The following CPQ variants were observed in gnomAD, a reference collection of about 807,000 sequenced individuals.
The protein encoded by CPQ is carboxypeptidase Q.
In CPQ, 37 loss-of-function variants were observed where a neutral mutation model predicts 45.7. The observed-to-expected ratio is 0.81, with a 90% CI of 0.62 to 1.07. CPQ has a LOEUF of 1.07. Ranked by LOEUF, CPQ falls within the 50% of genes least tolerant of loss-of-function variation. The probability of loss-of-function intolerance (pLI) is 0.00; values close to 1 mark genes in which losing one functional copy is unlikely to be tolerated. For missense variants in CPQ, 537 were observed against 572.9 expected, an observed-to-expected ratio of 0.94 and a Z score of 0.64; for synonymous variants, 186 against 205.8, an observed-to-expected ratio of 0.90 and a Z score of 0.82.
At chr8:96,933,464 T>A (rs918003208) in intron 4 of CPQ, among the ~76,000 whole-genome samples, 1 of 152,202 alleles carries the variant, frequency 6.6e-6, no homozygotes, top group Non-Finnish European at 1.5e-5. Context: ...ATTCAACAAT[T>A]GTTTACTGAA....
At chr8:97,054,355 C>T (rs950234900) in intron 6 of CPQ, among the ~76,000 whole-genome samples, 1 of 152,172 alleles carries the variant, frequency 6.6e-6, no homozygotes, top group African/African-American at 2.4e-5. Context: ...CTATGGAAAA[C>T]AGTATGGAGA....
intron 7 of CPQ, among the ~76,000 whole-genome samples, chr8:97,067,600 C>A (rs942310139): frequency 4.6e-5 from 7 of 152,128 alleles, no homozygotes; most frequent in African/African-American, 1.7e-4. Context: ...AAAGCTTATT[C>A]TTGCAATACT....
intron 1 of CPQ, among the ~76,000 whole-genome samples, chr8:96,781,463 A>G (rs968327794): frequency 6.6e-6 from 1 of 152,184 alleles, no homozygotes; most frequent in African/African-American, 2.4e-5. Context: ...TTCCCTCAAT[A>G]AAGGCATTTG....
At chr8:96,649,826 A>G (rs1033140797) in intron 1 of CPQ, among the ~76,000 whole-genome samples, 4 of 152,250 alleles carry the variant, frequency 2.6e-5, no homozygotes, top group African/African-American at 9.6e-5. Flanking sequence ...ATTACATTAT[A>G]TTTCAGGCAA....
At chr8:96,950,378 G>T (rs1396464624) in intron 4 of CPQ, among the ~76,000 whole-genome samples, 2 of 152,064 alleles carry the variant, frequency 1.3e-5, no homozygotes, top group Non-Finnish European at 2.9e-5. Context: ...AATAAACTCA[G>T]ATTGATTTAT....
chr8:97,113,494 A>T (rs1811533397), intron 7 of CPQ, among the ~76,000 whole-genome samples: 1 of 152,216 alleles, frequency 6.6e-6, no homozygotes, highest in African/African-American at 2.4e-5. Flanking sequence ...TTAAACACTT[A>T]ACAACAAAAT....
At chr8:96,845,344 A>G (rs888461182) in intron 3 of CPQ, among the ~76,000 whole-genome samples, 8 of 152,214 alleles carry the variant, frequency 5.3e-5, no homozygotes, top group African/African-American at 1.7e-4. Context: ...ACCTCATTGT[A>G]TTCTCAGTAC....
intron 3 of CPQ, among the ~76,000 whole-genome samples, chr8:96,835,391 C>T (rs1811517179): frequency 6.6e-6 from 1 of 152,138 alleles, no homozygotes; most frequent in African/African-American, 2.4e-5. Flanking sequence ...TTGTGCATTC[C>T]TTTAAAAAGC....
chr8:96,871,071 C>T (rs1197717022), intron 3 of CPQ, among the ~76,000 whole-genome samples: 1 of 151,750 alleles, frequency 6.6e-6, no homozygotes, highest in Non-Finnish European at 1.5e-5. Context: ...CATTACTTTC[C>T]TCCTTTGAAT....
At chr8:96,833,470 C>G (rs568886934) in intron 2 of CPQ, among the ~76,000 whole-genome samples, 90 of 152,216 alleles carry the variant, frequency 5.9e-4, no homozygotes, top group African/African-American at 2.2e-3. Flanking sequence ...TGCGACATCC[C>G]TTGAGTGGAC....
intron 4 of CPQ, among the ~76,000 whole-genome samples, chr8:96,908,107 CGT>C (rs35548556): frequency 0.026 from 3,760 of 145,736 alleles, 119 homozygotes; most frequent in African/African-American, 0.069. Flanking sequence ...CCCACTGCAA[CGT>C]GTGTGTGTGT....
At chr8:96,873,465 T>C (rs1424242358) in intron 3 of CPQ, among the ~76,000 whole-genome samples, 3 of 151,764 alleles carry the variant, frequency 2.0e-5, no homozygotes, top group African/African-American at 7.2e-5. Flanking sequence ...AATGACAGTA[T>C]AAAAGTCTTA....
At chr8:96,688,360 G>A (rs1809262236) in intron 1 of CPQ, among the ~76,000 whole-genome samples, 1 of 152,112 alleles carries the variant, frequency 6.6e-6, no homozygotes, top group Admixed American at 6.5e-5. Flanking sequence ...CTTGTGTGCA[G>A]CAGATATTTG....
At chr8:96,711,369 G>A (rs918488759) in intron 1 of CPQ, among the ~76,000 whole-genome samples, 3 of 152,016 alleles carry the variant, frequency 2.0e-5, no homozygotes, top group Admixed American at 1.3e-4. Context: ...TCATCATGTT[G>A]ATGTTGCCCA....
At chr8:96,876,200 C>A (rs528280118) in intron 3 of CPQ, among the ~76,000 whole-genome samples, 4 of 151,656 alleles carry the variant, frequency 2.6e-5, no homozygotes, top group Admixed American at 2.6e-4. Context: ...TAGTTCTAAT[C>A]GTTTTGTGTG....
intron 1 of CPQ, among the ~76,000 whole-genome samples, chr8:96,665,979 A>G (rs1808920547): frequency 6.6e-6 from 1 of 152,216 alleles, no homozygotes; most frequent in Non-Finnish European, 1.5e-5. Flanking sequence ...ATATGGGGGC[A>G]CACAATGACA....
At chr8:96,848,996 T>A (rs540932719) in intron 3 of CPQ, among the ~76,000 whole-genome samples, 1 of 152,342 alleles carries the variant, frequency 6.6e-6, no homozygotes, top group East Asian at 1.9e-4. Context: ...TTTCTGTCAA[T>A]AAACTGTAGT....
intron 3 of CPQ, among the ~76,000 whole-genome samples, chr8:96,875,210 A>G (rs957913063): frequency 6.6e-6 from 1 of 151,966 alleles, no homozygotes; most frequent in Non-Finnish European, 1.5e-5. Context: ...ATATCTTTAT[A>G]TATTTTAGAT....
intron 1 of CPQ, among the ~76,000 whole-genome samples, chr8:96,682,032 G>A (rs1392939682): frequency 6.6e-6 from 1 of 152,194 alleles, no homozygotes; most frequent in Non-Finnish European, 1.5e-5. Context: ...TAGGTGAAAA[G>A]GACTTGCCTT....
Sources: allele counts gnomAD v4.1 joint callset (sites outside exome capture counted in the v4.1 genomes callset), GRCh38; gene constraint gnomAD v4.1.1; transcripts MANE v1.5; gene names NCBI Gene and HGNC (gene_info 2026-07-23, HGNC 2026-07-21).